Variants in TSHZ2 observed in about 807,000 individuals in gnomAD.
TSHZ2 encodes teashirt homolog 2.
Under a neutral mutation model 74.4 loss-of-function variants are expected in TSHZ2, and 21 were observed. The ratio of observed to expected loss-of-function variants is 0.28; its 90% confidence interval spans 0.20 to 0.41. The LOEUF is 0.41. Ranked by LOEUF, TSHZ2 falls within the 10% of genes least tolerant of loss-of-function variation. The pLI, the probability that TSHZ2 is intolerant of heterozygous loss-of-function variation, is 1.00. For synonymous variants in TSHZ2, 540 were observed against 515.3 expected, an observed-to-expected ratio of 1.05 and a Z score of -0.65; for missense variants, 1,244 against 1,293.5, an observed-to-expected ratio of 0.96 and a Z score of 0.59.
intron 2 of TSHZ2, among the ~76,000 whole-genome samples, chr20:53,410,445 A>G (rs970649383): frequency 6.6e-6 from 1 of 152,180 alleles, no homozygotes. Flanking sequence ...TAAGTTATGA[A>G]AAAGGTCTCA....
Position 53,307,141 on chromosome 20 carries a change from C to T in TSHZ2, c.*8+50570C>T, listed in dbSNP as rs183848121. ...CGGGTAAATGACCAATCCAGGGTCACAGAATCGGCAGGTGACGCTCCTGGA... is the reference window on the plus strand; with the variant it reads ...CGGGTAAATGACCAATCCAGGGTCATAGAATCGGCAGGTGACGCTCCTGGA... On this transcript the variant is annotated intron_variant, in intron 2 of 2. Transcript: ENST00000371497. 1.5e-3 allele frequency among the ~76,000 whole-genome samples: 232 copies of T among 151,902 alleles called. 2 individuals are homozygous for T. Among genetic ancestry groups the T allele is most frequent in the African/African-American group, 5.4e-3 (221 of 41,188 alleles).
At chr20:53,149,158 G>GT (rs767041319) in intron 1 of TSHZ2, among the ~76,000 whole-genome samples, 1 of 150,572 alleles carries the variant, frequency 6.6e-6, no homozygotes, top group Non-Finnish European at 1.5e-5. Context: ...TCCTGACAAT[G>GT]TACTGGTCAG....
intron 1 of TSHZ2, among the ~76,000 whole-genome samples, chr20:52,986,934 G>A (rs1981789571): frequency 1.3e-5 from 2 of 152,252 alleles, no homozygotes; most frequent in Admixed American, 6.5e-5. Flanking sequence ...GTGTGTGTGT[G>A]TGTATGTAGG....
At position 53,106,391 on chromosome 20, in the gene TSHZ2, C is replaced by CTTTTTTTTT. The variant is rs71194458; in HGVS notation, c.40+133081_40+133089dup. Among the ~76,000 whole-genome samples, 408 of 58,982 alleles carry CTTTTTTTTT rather than the reference C, an allele frequency of 6.9e-3. 87 individuals carry two copies. Among genetic ancestry groups the CTTTTTTTTT allele is most frequent in the African/African-American group, 0.016 (223 of 14,282 alleles). 38.7% of individuals were successfully genotyped at this position (58,982 alleles called of 152,430 possible). On this transcript the variant is annotated intron_variant, in intron 1 of 2. Coordinates refer to ENST00000371497, the MANE Select transcript of TSHZ2 (RefSeq NM_173485.6). ...TTCCTCTAGGGCCTTCTCACACTTTCTTTTTTTTTTTTTTTTTTTTTTTTT... is the reference window on the plus strand; with the variant it reads ...TTCCTCTAGGGCCTTCTCACACTTTCTTTTTTTTTTTTTTTTTTTTTTTTTTTTTTTTTT...
At chr20:52,983,856 C>T (rs1981656619) in intron 1 of TSHZ2, among the ~76,000 whole-genome samples, 1 of 152,178 alleles carries the variant, frequency 6.6e-6, no homozygotes, top group Admixed American at 6.5e-5. Flanking sequence ...TCCCTGCGCG[C>T]TCTCCAAGTG....
chr20:53,085,657 G>T (rs1461395505), intron 1 of TSHZ2, among the ~76,000 whole-genome samples: 1 of 152,176 alleles, frequency 6.6e-6, no homozygotes, highest in African/African-American at 2.4e-5. Flanking sequence ...ATAAGGAAAT[G>T]AAGGCCCCTG....
chr20:53,279,657 C>T (rs865880962), intron 2 of TSHZ2, among the ~76,000 whole-genome samples: 3 of 152,188 alleles, frequency 2.0e-5, no homozygotes, highest in African/African-American at 7.2e-5. Context: ...TCCAAGGATA[C>T]AGCAATGAAC....
chr20:53,433,839 G>A (rs1983940002), intron 2 of TSHZ2, among the ~76,000 whole-genome samples: 1 of 152,050 alleles, frequency 6.6e-6, no homozygotes, highest in African/African-American at 2.4e-5. Flanking sequence ...ATACAGTATT[G>A]GCCAAAAATT....
At chr20:53,272,473 G>A (rs1173260695) in intron 2 of TSHZ2, among the ~76,000 whole-genome samples, 1 of 152,188 alleles carries the variant, frequency 6.6e-6, no homozygotes, top group Non-Finnish European at 1.5e-5. Flanking sequence ...GGAAGGAGAA[G>A]AGAGAGGGAG....
intron 2 of TSHZ2, among the ~76,000 whole-genome samples, chr20:53,389,932 T>C (rs1281936304): frequency 6.6e-6 from 1 of 152,212 alleles, no homozygotes; most frequent in African/African-American, 2.4e-5. Context: ...TGGCCACTTA[T>C]TTTCATGCTG....
intron 2 of TSHZ2, among the ~76,000 whole-genome samples, chr20:53,367,555 G>GC (rs766355410): frequency 4.6e-5 from 7 of 152,024 alleles, no homozygotes; most frequent in Non-Finnish European, 1.0e-4. Flanking sequence ...AGTTACAGAA[G>GC]TTTTTCTTCT....
At chr20:53,050,101 G>GTGTA (rs1467824800) in intron 1 of TSHZ2, among the ~76,000 whole-genome samples, 1 of 60,496 alleles carries the variant, frequency 1.7e-5, no homozygotes, top group African/African-American at 1.5e-4. Flanking sequence ...ATGTATATGT[G>GTGTA]TGTATATATA....
At chr20:53,408,654 G>A (rs749811341) in intron 2 of TSHZ2, among the ~76,000 whole-genome samples, 7 of 152,108 alleles carry the variant, frequency 4.6e-5, no homozygotes, top group Non-Finnish European at 1.0e-4. Context: ...GCTCCTATTC[G>A]TCTTCAGCAT....
At chr20:53,469,808 C>A (rs1457160984) in intron 2 of TSHZ2, among the ~76,000 whole-genome samples, 4 of 107,476 alleles carry the variant, frequency 3.7e-5, no homozygotes, top group African/African-American at 7.6e-5. Context: ...AAGGAAGGAC[C>A]CAACAAAGAT....
intron 2 of TSHZ2, among the ~76,000 whole-genome samples, chr20:53,374,181 C>A (rs1981577621): frequency 6.6e-6 from 1 of 152,142 alleles, no homozygotes; most frequent in Non-Finnish European, 1.5e-5. Flanking sequence ...CTGTTATTCC[C>A]TTCTTGGTGT....
intron 2 of TSHZ2, among the ~76,000 whole-genome samples, chr20:53,434,938 C>G (rs1339664086): frequency 6.6e-6 from 1 of 152,222 alleles, no homozygotes; most frequent in Non-Finnish European, 1.5e-5. Flanking sequence ...AAATCCACTC[C>G]AAAATTCTTC....
At chr20:53,114,027 G>A (rs370709289) in intron 1 of TSHZ2, among the ~76,000 whole-genome samples, 20 of 151,214 alleles carry the variant, frequency 1.3e-4, no homozygotes, top group Middle Eastern at 3.4e-3. Flanking sequence ...CTAGGAGTTC[G>A]TGGCTGCAGT....
chr20:53,197,371 T>C (rs1328283728), intron 1 of TSHZ2, among the ~76,000 whole-genome samples: 1 of 152,192 alleles, frequency 6.6e-6, no homozygotes, highest in African/African-American at 2.4e-5. Context: ...CTTAGGTAGG[T>C]GCGTGCAAAG....
intron 2 of TSHZ2, among the ~76,000 whole-genome samples, chr20:53,466,999 GCTAA>G (rs769257928): frequency 2.6e-5 from 4 of 152,316 alleles, no homozygotes; most frequent in Middle Eastern, 6.8e-3. Flanking sequence ...TCTCCCACTT[GCTAA>G]CTATCTGATC....
Sources: allele counts gnomAD v4.1 joint callset (sites outside exome capture counted in the v4.1 genomes callset), GRCh38; gene constraint gnomAD v4.1.1; transcripts MANE v1.5; gene names NCBI Gene and HGNC (gene_info 2026-07-23, HGNC 2026-07-21).